The following HACD2 variants were observed in gnomAD, a reference collection of about 807,000 sequenced individuals.
HACD2 encodes the protein 3-hydroxyacyl-CoA dehydratase 2.
HACD2 carries 15 observed loss-of-function variants against 31.0 expected under a neutral mutation model. The observed-to-expected ratio is 0.48, with a 90% CI of 0.32 to 0.75. The LOEUF is 0.75. HACD2 is among the 30% of genes least tolerant of loss of function. HACD2 has a pLI of 0.03. For synonymous variants in HACD2, 115 were observed against 122.2 expected, an observed-to-expected ratio of 0.94 and a Z score of 0.39; for missense variants, 283 against 313.0, an observed-to-expected ratio of 0.90 and a Z score of 0.72.
chr3:123,549,406 G>A (rs531605522), intron 3 of HACD2, among the ~76,000 whole-genome samples: 1 of 152,258 alleles, frequency 6.6e-6, no homozygotes, highest in East Asian at 1.9e-4. Context: ...AACTGCTAAA[G>A]ATGAACTGCA....
intron 3 of HACD2, among the ~76,000 whole-genome samples, chr3:123,530,883 T>G (rs533187503): frequency 3.9e-5 from 6 of 152,006 alleles, no homozygotes; most frequent in African/African-American, 1.4e-4. Context: ...TGTTGTTGTT[T>G]TTAGATGGAG....
At chr3:123,561,086 G>T (rs559056472) in intron 3 of HACD2, among the ~76,000 whole-genome samples, 40 of 152,152 alleles carry the variant, frequency 2.6e-4, no homozygotes, top group African/African-American at 9.2e-4. Context: ...GTAGCGGGGG[G>T]GCAGAGGAGG....
At chr3:123,511,976 C>T (rs2056069549) in intron 4 of HACD2, among the ~76,000 whole-genome samples, 1 of 152,156 alleles carries the variant, frequency 6.6e-6, no homozygotes, top group African/African-American at 2.4e-5. Context: ...TCTGCACAGG[C>T]TGGATCCCTT....
chr3:123,504,971 A>T (rs1297613892), intron 4 of HACD2, among the ~76,000 whole-genome samples: 1 of 152,248 alleles, frequency 6.6e-6, no homozygotes, highest in African/African-American at 2.4e-5. Context: ...TATTCACAAC[A>T]GTCAAAAGGC....
chr3:123,545,627 A>C (rs2056551431), intron 3 of HACD2, among the ~76,000 whole-genome samples: 2 of 149,596 alleles, frequency 1.3e-5, no homozygotes, highest in Non-Finnish European at 3.0e-5. Flanking sequence ...AAATGGGTAC[A>C]ATTTCCACTG....
chr3:123,500,393 G>T (rs1019377998), intron 6 of HACD2, 122 bp downstream of exon 6: 3 of 694,826 alleles, frequency 4.3e-6, no homozygotes, highest in South Asian at 2.4e-5. Flanking sequence ...TAAAAACCAA[G>T]AATTCCCAAT....
intron 4 of HACD2, among the ~76,000 whole-genome samples, chr3:123,507,684 A>G (rs564429750): frequency 6.6e-6 from 1 of 152,190 alleles, no homozygotes; most frequent in South Asian, 2.1e-4. Context: ...AAAACATCTC[A>G]TGCACCCCAT....
intron 3 of HACD2, among the ~76,000 whole-genome samples, chr3:123,546,266 A>C (rs146700280): frequency 1.9e-4 from 29 of 152,290 alleles, no homozygotes; most frequent in African/African-American, 6.5e-4. Flanking sequence ...GCTATTGCCA[A>C]GTGGATGGAC....
chr3:123,537,943 G>C (rs934926948), intron 3 of HACD2, among the ~76,000 whole-genome samples: 1 of 152,104 alleles, frequency 6.6e-6, no homozygotes, highest in African/African-American at 2.4e-5. Context: ...AATTCTAAAA[G>C]TGAACCACTT....
At chr3:123,547,190 T>G (rs1167723148) in intron 3 of HACD2, among the ~76,000 whole-genome samples, 2 of 152,194 alleles carry the variant, frequency 1.3e-5, no homozygotes, top group Non-Finnish European at 2.9e-5. Context: ...TAATTTTCCT[T>G]TAAAAGTGTT....
intron 3 of HACD2, among the ~76,000 whole-genome samples, chr3:123,548,102 C>T (rs186061452): frequency 2.9e-4 from 44 of 152,182 alleles, no homozygotes; most frequent in East Asian, 2.1e-3. Flanking sequence ...GCTAACAATA[C>T]GTCCACGAAT....
intron 3 of HACD2, among the ~76,000 whole-genome samples, chr3:123,536,281 G>A (rs9828713): frequency 0.03 from 4,556 of 152,282 alleles, 74 homozygotes; most frequent in Middle Eastern, 0.088. Context: ...TTGTAGCTCA[G>A]AGGGGAGAAC....
chr3:123,498,209 G>C (rs534193623), intron 6 of HACD2, among the ~76,000 whole-genome samples: 1 of 152,328 alleles, frequency 6.6e-6, no homozygotes, highest in Non-Finnish European at 1.5e-5. Flanking sequence ...TCAATGGTTT[G>C]CAGGGAATCT....
At chr3:123,568,063 G>T (rs1157524999) in intron 2 of HACD2, among the ~76,000 whole-genome samples, 1 of 152,140 alleles carries the variant, frequency 6.6e-6, no homozygotes, top group Non-Finnish European at 1.5e-5. Context: ...GATATCAAGG[G>T]CTCTTTCATA....
At chr3:123,575,519 G>GA (rs1467521624) in intron 2 of HACD2, among the ~76,000 whole-genome samples, 33 of 152,190 alleles carry the variant, frequency 2.2e-4, no homozygotes, top group African/African-American at 8.0e-4. Context: ...TATCACTGCA[G>GA]AAAGTCCTAT....
At chr3:123,496,345 C>T (rs1386637555) in intron 6 of HACD2, among the ~76,000 whole-genome samples, 8 of 152,176 alleles carry the variant, frequency 5.3e-5, no homozygotes, top group African/African-American at 9.7e-5. Flanking sequence ...TTTATACTGT[C>T]ACGAATATTT....
intron 6 of HACD2, among the ~76,000 whole-genome samples, chr3:123,497,650 A>G (rs1164452088): frequency 1.3e-5 from 2 of 152,194 alleles, no homozygotes; most frequent in Non-Finnish European, 2.9e-5. Context: ...TTGGGGGTGG[A>G]ATGTAAACAG....
intron 3 of HACD2, among the ~76,000 whole-genome samples, chr3:123,556,947 C>T (rs2056679089): frequency 6.6e-6 from 1 of 152,182 alleles, no homozygotes; most frequent in African/African-American, 2.4e-5. Flanking sequence ...GCAAACTGGA[C>T]TTGACTAAAA....
intron 3 of HACD2, among the ~76,000 whole-genome samples, chr3:123,542,146 CAAAAAA>C (rs11391480): frequency 1.9e-4 from 8 of 41,094 alleles, no homozygotes; most frequent in South Asian, 1.9e-3. Flanking sequence ...GACTCCGTCT[CAAAAAA>C]AAAAAAAAAA....
Sources: gnomAD v4.1 joint callset for allele counts (sites outside exome capture counted in the v4.1 genomes callset) on GRCh38, gnomAD v4.1.1 for gene constraint, MANE v1.5 for transcripts, NCBI Gene and HGNC (gene_info 2026-07-23, HGNC 2026-07-21) for gene names.